The following CSNK1G1 variants were observed in gnomAD, a reference collection of about 807,000 sequenced individuals.
CSNK1G1 encodes the protein casein kinase I isoform gamma-1.
A neutral mutation model predicts 59.6 loss-of-function variants in CSNK1G1; 22 were observed. That is an observed-to-expected ratio of 0.37 (90% CI 0.26 to 0.53). The LOEUF (loss-of-function observed/expected upper bound fraction) is 0.53, where lower values mean the gene tolerates loss of function less well. Among genes scored for constraint, CSNK1G1 ranks in the 20% least tolerant of loss-of-function variants. The pLI, the probability that CSNK1G1 is intolerant of heterozygous loss-of-function variation, is 0.89. For synonymous variants in CSNK1G1, 179 were observed against 177.1 expected (o/e 1.01, Z -0.08); for missense variants, 384 against 519.5 (o/e 0.74, Z 2.54).
chr15:64,187,195 GT>G (rs915803492), intron 10 of CSNK1G1, among the ~76,000 whole-genome samples: 14 of 150,262 alleles, frequency 9.3e-5, no homozygotes, highest in African/African-American at 2.7e-4. Flanking sequence ...ATCCATCATG[GT>G]TTTTTTTGGG....
chr15:64,264,070 T>C (rs1427408741), intron 2 of CSNK1G1, among the ~76,000 whole-genome samples: 1 of 152,162 alleles, frequency 6.6e-6, no homozygotes, highest in Non-Finnish European at 1.5e-5. Context: ...TTGATATATG[T>C]AGAAAGTTCT....
intron 2 of CSNK1G1, among the ~76,000 whole-genome samples, chr15:64,298,139 G>A (rs1199772525): frequency 6.6e-6 from 1 of 152,110 alleles, no homozygotes; most frequent in Admixed American, 6.6e-5. Flanking sequence ...AATATATATG[G>A]GCTATAAATG....
intron 4 of CSNK1G1, among the ~76,000 whole-genome samples, chr15:64,242,277 C>A (rs1891509056): frequency 6.6e-6 from 1 of 152,156 alleles, no homozygotes; most frequent in African/African-American, 2.4e-5. Context: ...GCTCAAATTT[C>A]ATGTGGAATT....
intron 4 of CSNK1G1, among the ~76,000 whole-genome samples, chr15:64,221,004 G>C (rs1445562252): frequency 6.6e-6 from 1 of 152,208 alleles, no homozygotes; most frequent in African/African-American, 2.4e-5. Context: ...CCTGATGGCT[G>C]TGGAGTAACC....
At chr15:64,236,346 A>G (rs963924115) in intron 4 of CSNK1G1, among the ~76,000 whole-genome samples, 5 of 152,142 alleles carry the variant, frequency 3.3e-5, no homozygotes, top group Admixed American at 6.6e-5. Flanking sequence ...GAAATAATCA[A>G]CAGGGAGAGG....
chr15:64,210,661 T>A lies in CSNK1G1; in HGVS notation c.680-3067A>T, dbSNP rs1194565897. On this transcript the variant is annotated intron_variant, in intron 6 of 11. Coordinates refer to ENST00000303052, the MANE Select transcript of CSNK1G1 (RefSeq NM_022048.5). The surrounding 1 kb of genome is among the most constrained non-coding windows in gnomAD (Gnocchi z 4.2). ...AGGCAGGGAGCAAGGTAACCCAGTG[T>A]TCTCACCCTAATTTCAACCATTAAA... Among the ~76,000 whole-genome samples, 2 of 152,130 alleles carry A rather than the reference T, an allele frequency of 1.3e-5. No individual in the cohort carries two copies. Among genetic ancestry groups the A allele is most frequent in the Non-Finnish European group, 2.9e-5 (2 of 68,024 alleles).
chr15:64,205,696 GACA>G (rs1275909503), intron 7 of CSNK1G1, among the ~76,000 whole-genome samples: 2 of 152,216 alleles, frequency 1.3e-5, no homozygotes, highest in Admixed American at 6.5e-5. Context: ...ATGATTTATG[GACA>G]ACGAGAGAGT....
intron 4 of CSNK1G1, among the ~76,000 whole-genome samples, chr15:64,231,726 T>A (rs2082552959): frequency 6.6e-6 from 1 of 152,124 alleles, no homozygotes; most frequent in African/African-American, 2.4e-5. Flanking sequence ...AAACCTTTTC[T>A]CTTTCTCAAA....
At chr15:64,206,033 G>A (rs1265008873) in intron 7 of CSNK1G1, among the ~76,000 whole-genome samples, 8 of 152,164 alleles carry the variant, frequency 5.3e-5, no homozygotes, top group South Asian at 4.1e-4. Context: ...TGGGCCAGGC[G>A]CGATGGCTCA....
intron 2 of CSNK1G1, among the ~76,000 whole-genome samples, chr15:64,292,180 A>C (rs1174002335): frequency 1.3e-5 from 2 of 151,536 alleles, no homozygotes; most frequent in Non-Finnish European, 2.9e-5. Flanking sequence ...ACTGCACTCC[A>C]GCCTGGGCGA....
rs2082312617 is a variant in CSNK1G1 at position 64,216,447 on chromosome 15, G to A, written c.444+115C>T. The A allele has an allele frequency of 1.9e-6, 2 of 1,028,760 alleles. No homozygotes were observed. The highest frequency in any genetic ancestry group is 1.6e-5 in the South Asian group (1 of 62,398). The allele number at this position is 1,028,760 out of a possible 1,614,324, so 63.7% of individuals were successfully genotyped here. A position where few individuals can be genotyped will look rare whatever the true frequency, so the allele number is the denominator to read the frequency against. ...AGCCAGCTTCCCAGAATGCCATCAAGCCTGTGAGTACTAATTCTTGATGTG... is the reference window on the plus strand; with the variant it reads ...AGCCAGCTTCCCAGAATGCCATCAAACCTGTGAGTACTAATTCTTGATGTG... On this transcript the variant is annotated intron_variant, in intron 5 of 11. Transcript: ENST00000303052. This position sits in a 1 kb window ranked among gnomAD's most constrained non-coding sequence, Gnocchi z 4.6.
intron 1 of CSNK1G1, among the ~76,000 whole-genome samples, chr15:64,314,566 A>T (rs67174247): frequency 0.43 from 20,988 of 48,696 alleles, 2,702 homozygotes; most frequent in East Asian, 0.79. Flanking sequence ...CCACAGAATT[A>T]AAAAAAAAAA....
At position 64,237,977 on chromosome 15, in the gene CSNK1G1, G is replaced by T. The variant is rs545846911; in HGVS notation, c.292+13535C>A. Among the ~76,000 whole-genome samples the T allele has an allele frequency of 3.3e-5, 5 of 152,282 alleles. No homozygotes were observed. The South Asian group carries it at 8.3e-4, about 25-fold the overall frequency. The stretch of plus-strand genomic sequence containing the variant: ...ACTAAGCTTCTCAGTTGTATACATG[G>T]CACATGCATTCAACATCAATGATTG... On this transcript the variant is annotated intron_variant, in intron 4 of 11. Coordinates refer to ENST00000303052, the MANE Select transcript of CSNK1G1 (RefSeq NM_022048.5).
intron 2 of CSNK1G1, among the ~76,000 whole-genome samples, chr15:64,267,256 C>CAAAAAAAAAAAAAAAAAAAAAAAA (rs199581105): frequency 3.2e-5 from 2 of 61,832 alleles, no homozygotes; most frequent in Non-Finnish European, 7.4e-5. Flanking sequence ...GACCTTATCT[C>CAAAAAAAAAAAAAAAAAAAAAAAA]AAAAAAAAAA....
chr15:64,283,064 C>T (rs1430430913), intron 2 of CSNK1G1, among the ~76,000 whole-genome samples: 2 of 152,146 alleles, frequency 1.3e-5, no homozygotes, highest in Non-Finnish European at 2.9e-5. Context: ...GCAGTGTACA[C>T]TGCTCAGGTG....
At chr15:64,288,652 A>T (rs1894563516) in intron 2 of CSNK1G1, among the ~76,000 whole-genome samples, 1 of 151,968 alleles carries the variant, frequency 6.6e-6, no homozygotes, top group African/African-American at 2.4e-5. Flanking sequence ...AAAAAAATTG[A>T]ATCAATCCAG....
At chr15:64,181,354 C>A in intron 10 of CSNK1G1, 2 of 1,536,044 alleles carry the variant, frequency 1.3e-6, no homozygotes, top group Non-Finnish European at 8.7e-7. Flanking sequence ...CACATTATTC[C>A]TGTTTATGTG....
At chr15:64,235,574 G>A (rs959016981) in intron 4 of CSNK1G1, among the ~76,000 whole-genome samples, 2 of 152,154 alleles carry the variant, frequency 1.3e-5, no homozygotes, top group Non-Finnish European at 2.9e-5. Flanking sequence ...GCTTAAATCT[G>A]TTCCGTATAA....
chr15:64,207,570 T>C lies in CSNK1G1; in HGVS notation c.704A>G (p.Glu235Gly). The C allele has an allele frequency of 1.2e-6, 2 of 1,613,954 alleles. No individual in the cohort carries two copies. The highest frequency in any genetic ancestry group is 1.7e-6 in the Non-Finnish European group (2 of 1,179,858). Reference protein sequence around the residue: ...GKEQSRRDDLEALGHMFMYFL... With the variant: ...GKEQSRRDDLGALGHMFMYFL... ...ATACATGAACATATGGCCTAGGGCTTCCAAATCATCTCTCCGGCTTTGCTC... is the reference window on the plus strand; with the variant it reads ...ATACATGAACATATGGCCTAGGGCTCCCAAATCATCTCTCCGGCTTTGCTC... Residue 235 changes from glutamate to glycine, a missense_variant, in exon 7 of 12, where the codon GAA becomes GGA. By Grantham distance (98) the Glu-to-Gly change is moderately conservative (BLOSUM62 -2). This residue lies in a region of CSNK1G1 where 325 missense variants were observed against 440.9 expected (regional missense o/e 0.74). Transcript: ENST00000303052.
Sources: gnomAD v4.1 joint callset for allele counts (sites outside exome capture counted in the v4.1 genomes callset) on GRCh38, gnomAD v4.1.1 for gene constraint, gnomAD v4.1.1 regional missense constraint, Gnocchi (gnomAD v3.1) non-coding constraint, MANE v1.5 for transcripts, NCBI Gene and HGNC (gene_info 2026-07-23, HGNC 2026-07-21) for gene names.